PTPRT: variants seen among roughly 807,000 people sequenced by gnomAD.
PTPRT encodes protein tyrosine phosphatase receptor type T.
In PTPRT, 56 loss-of-function variants were observed where a neutral mutation model predicts 176.8. The ratio of observed to expected loss-of-function variants is 0.32; its 90% CI spans 0.26 to 0.40. The LOEUF is 0.40. Ranked by LOEUF, PTPRT falls within the 10% of genes least tolerant of loss-of-function variation. PTPRT has a pLI of 1.00. For synonymous variants in PTPRT, 783 were observed against 739.0 expected (o/e 1.06, Z -0.96); for missense variants, 1,540 against 1,908.2 (o/e 0.81, Z 3.60).
intron 17 of PTPRT, among the ~76,000 whole-genome samples, chr20:42,150,172 C>T (rs1446669573): frequency 1.3e-5 from 2 of 152,260 alleles, no homozygotes; most frequent in East Asian, 3.9e-4. Flanking sequence ...CTGAGTTATG[C>T]CTAAAATAGT....
intron 16 of PTPRT, among the ~76,000 whole-genome samples, chr20:42,178,285 G>A (rs2146575021): frequency 6.6e-6 from 1 of 152,274 alleles, no homozygotes; most frequent in East Asian, 1.9e-4. Context: ...GAATCCTAGT[G>A]ATTCTCATAG....
chr20:42,275,403 C>A (rs150224264), intron 13 of PTPRT, among the ~76,000 whole-genome samples: 28 of 152,300 alleles, frequency 1.8e-4, no homozygotes, highest in African/African-American at 6.5e-4. Context: ...GCGATCAAGT[C>A]GACTCAGGTG....
chr20:42,120,537 G>T (rs1393194558), intron 19 of PTPRT, among the ~76,000 whole-genome samples: 1 of 152,210 alleles, frequency 6.6e-6, no homozygotes, highest in African/African-American at 2.4e-5. Flanking sequence ...ATGGAAGGCT[G>T]ACCTGGGAGA....
At chr20:42,938,387 T>C (rs1180555782) in intron 1 of PTPRT, among the ~76,000 whole-genome samples, 1 of 152,206 alleles carries the variant, frequency 6.6e-6, no homozygotes, top group Non-Finnish European at 1.5e-5. Context: ...CTAGCATAGC[T>C]AGGGTCTGCA....
chr20:42,798,939 T>C (rs963515032), intron 2 of PTPRT, among the ~76,000 whole-genome samples: 17 of 151,714 alleles, frequency 1.1e-4, no homozygotes, highest in Non-Finnish European at 5.9e-5. Context: ...GCAAGCAGAG[T>C]CAGGCAGGGA....
At chr20:42,972,696 A>G (rs1008200962) in intron 1 of PTPRT, among the ~76,000 whole-genome samples, 113 of 151,152 alleles carry the variant, frequency 7.5e-4, no homozygotes, top group Non-Finnish European at 1.5e-3. Context: ...AAAAAAAAAA[A>G]AAGGAAGAAG....
chr20:42,324,520 T>C (rs2057853437), intron 11 of PTPRT, among the ~76,000 whole-genome samples: 1 of 152,252 alleles, frequency 6.6e-6, no homozygotes, highest in Admixed American at 6.5e-5. Context: ...ATGTAAATTA[T>C]ACCTCAATAA....
chr20:42,136,413 A>C (rs1988381970), intron 18 of PTPRT, among the ~76,000 whole-genome samples: 1 of 152,096 alleles, frequency 6.6e-6, no homozygotes, highest in Non-Finnish European at 1.5e-5. Flanking sequence ...CTGAAGCTAA[A>C]GGTCTGCACA....
intron 2 of PTPRT, among the ~76,000 whole-genome samples, chr20:42,840,405 T>C (rs1206743869): frequency 6.6e-6 from 1 of 152,188 alleles, no homozygotes; most frequent in African/African-American, 2.4e-5. Context: ...TGTTTTTTTA[T>C]TTTTATTTTC....
the PTPRT span, among the ~76,000 whole-genome samples, chr20:42,052,727 G>C: frequency 6.6e-6 from 1 of 152,118 alleles, no homozygotes; most frequent in African/African-American, 2.4e-5. Context: ...ATCCCCACCT[G>C]GCAGTGCCAT....
intron 9 of PTPRT, among the ~76,000 whole-genome samples, chr20:42,393,656 T>G (rs1428664710): frequency 6.6e-6 from 1 of 152,214 alleles, no homozygotes; most frequent in Admixed American, 6.5e-5. Flanking sequence ...ATTGTAGTAT[T>G]TATGTATTCC....
chr20:42,668,961 C>A (rs1042834633), intron 7 of PTPRT, among the ~76,000 whole-genome samples: 1 of 150,092 alleles, frequency 6.7e-6, no homozygotes, highest in South Asian at 2.1e-4. Flanking sequence ...CCGCCCGCCT[C>A]GGCCTCCCAA....
chr20:42,982,956 G>A (rs767532573), intron 1 of PTPRT, among the ~76,000 whole-genome samples: 6 of 152,192 alleles, frequency 3.9e-5, no homozygotes, highest in South Asian at 2.1e-4. Flanking sequence ...GGCATTAGAC[G>A]ATCTTCCCAA....
intron 1 of PTPRT, among the ~76,000 whole-genome samples, chr20:43,011,975 G>A (rs573366560): frequency 2.0e-5 from 3 of 152,246 alleles, no homozygotes; most frequent in Non-Finnish European, 4.4e-5. Flanking sequence ...TGGACTTTTG[G>A]TCTTACACCA....
chr20:42,242,038 T>C (rs1274562225), intron 14 of PTPRT, among the ~76,000 whole-genome samples: 1 of 152,234 alleles, frequency 6.6e-6, no homozygotes, highest in Non-Finnish European at 1.5e-5. Flanking sequence ...TTCTGATCTG[T>C]AGTACCCTTA....
chr20:42,746,408 T>C (rs1210436954), intron 6 of PTPRT, among the ~76,000 whole-genome samples: 1 of 152,102 alleles, frequency 6.6e-6, no homozygotes, highest in East Asian at 1.9e-4. Flanking sequence ...GGATGGGGAA[T>C]GATGAGGAGA....
chr20:42,272,184 T>C (rs2056947867), intron 13 of PTPRT, among the ~76,000 whole-genome samples: 1 of 152,174 alleles, frequency 6.6e-6, no homozygotes, highest in Non-Finnish European at 1.5e-5. Flanking sequence ...ACATGGAAAT[T>C]ATATAAAATG....
chr20:42,768,539 G>A (rs191868136), intron 5 of PTPRT, among the ~76,000 whole-genome samples: 3 of 152,198 alleles, frequency 2.0e-5, no homozygotes, highest in African/African-American at 7.2e-5. Context: ...TTATCTCACA[G>A]ACATTGTGAA....
At chr20:42,045,399 G>C in the PTPRT span, among the ~76,000 whole-genome samples, 43 of 151,656 alleles carry the variant, frequency 2.8e-4, no homozygotes, top group African/African-American at 1.0e-3. Flanking sequence ...TGAGTTTTAC[G>C]TGCAGGCAAG....
Sources: allele counts gnomAD v4.1 joint callset (sites outside exome capture counted in the v4.1 genomes callset), GRCh38; gene constraint gnomAD v4.1.1; transcripts MANE v1.5; gene names NCBI Gene and HGNC (gene_info 2026-07-23, HGNC 2026-07-21).